The following MAN2C1 variants were observed in gnomAD, a reference collection of about 807,000 sequenced individuals.
MAN2C1 encodes the protein mannosidase alpha class 2C member 1, also known as alpha-mannosidase 2C1.
A neutral mutation model predicts 126.9 loss-of-function variants in MAN2C1; 111 were observed. The observed-to-expected ratio is 0.87, with a 90% CI of 0.75 to 1.02. The LOEUF (loss-of-function observed/expected upper bound fraction) is 1.02, where lower values mean the gene tolerates loss of function less well. MAN2C1 is among the 50% of genes least tolerant of loss of function. The pLI is 0.00. For synonymous variants in MAN2C1, 567 were observed against 561.5 expected (o/e 1.01, Z -0.14); for missense variants, 1,363 against 1,364.4 (o/e 1.00, Z 0.02).
In MAN2C1 at chr15:75,361,885, A is replaced by C. The variant is rs1330185755; in HGVS notation, c.1071T>G (p.Phe357Leu). ...AGCACATCTTCCCAAACTCCTGCAG[A>C]AAGAAGTTCTGGCCCTGCAAAAACT... ...VRQFLQGQNF[F>L]LQEFGKMCSE... The change falls in exon 9 of 26, where the codon TTT becomes TTG. Residue 357 changes from phenylalanine (F) to leucine (L), a missense_variant. Physicochemically the swap from Phe to Leu is conservative, Grantham distance 22. This residue lies in a region of MAN2C1 where 628 missense variants were observed against 609.8 expected (regional missense o/e 1.03). Coordinates refer to ENST00000267978, the MANE Select transcript of MAN2C1 (RefSeq NM_006715.4). The surrounding 1 kb of genome is among the most constrained non-coding windows in gnomAD (Gnocchi z 5.0). 2.5e-6 allele frequency: 4 copies of C among 1,613,980 alleles called. No individual in the cohort carries two copies. Among genetic ancestry groups the C allele is most frequent in the Non-Finnish European group, 3.4e-6 (4 of 1,180,036 alleles).
intron 4 of MAN2C1, chr15:75,365,607 T>A (rs2072558394): frequency 5.2e-6 from 1 of 190,584 alleles, no homozygotes; most frequent in Non-Finnish European, 1.1e-5. Context: ...GCACCTGTAA[T>A]CTCAGCTAGT....
In MAN2C1 at chr15:75,359,613, C is replaced by G; in HGVS notation, c.1948+7G>C. The stretch of plus-strand genomic sequence containing the variant: ...CTGCAGTAGCAACCCTTCCCCTCAG[C>G]TCGTACCTAGGCTGTGGGCCCCGCC... On this transcript the variant is annotated splice_region_variant and intron_variant, in intron 16 of 25. Coordinates refer to ENST00000267978, the MANE Select transcript of MAN2C1 (RefSeq NM_006715.4). The G allele has an allele frequency of 6.2e-7, 1 of 1,613,470 alleles. No individual in the cohort carries two copies. Among genetic ancestry groups the G allele is most frequent in the East Asian group, 2.2e-5 (1 of 44,890 alleles).
Position 75,368,117 on chromosome 15 carries a change from C to G in MAN2C1, c.183G>C (p.Gln61His), listed in dbSNP as rs758363056. 3.1e-6 allele frequency: 5 copies of G among 1,607,112 alleles called. No homozygotes were observed. In the East Asian group the frequency reaches 1.1e-4, roughly 36 times the overall value. The change falls in exon 2 of 26, where the codon CAG becomes CAC. Residue 61 changes from glutamine to histidine, a missense_variant. Physicochemically the swap from Gln to His is conservative, Grantham distance 24 (BLOSUM62 0). Transcript: ENST00000267978. ...PERLPYQEAV[Q>H]RDFRPAQVGD... ...CGACCTGCGCGGGGCGGAAGTCCCG[C>G]TGGACTGCCTCCTGGTAGGGAAGTC...
Position 75,364,608 on chromosome 15 carries a change from G to T in MAN2C1, c.480C>A (p.Ser160Arg), listed in dbSNP as rs773984309. The T allele has an allele frequency of 3.1e-6, 5 of 1,613,682 alleles. No individual in the cohort carries two copies. The highest frequency in any genetic ancestry group is 2.5e-6 in the Non-Finnish European group (3 of 1,179,838). Residue 160 changes from serine (S) to arginine (R), a missense_variant, in exon 5 of 26, where the codon AGC (serine) becomes AGA (arginine). Transcript: ENST00000267978. ...TCTCAGGGTCAGGGGCTGCAATCAT[G>T]CTTCCCTTCCCGGCCCCCAGGAGCC... ...CNGLLGAGKG[S>R]MIAAPDPEKM...
chr15:75,367,672 G>A (rs957678041), intron 2 of MAN2C1, 38 bp from the exon 3 acceptor site: 1 of 1,610,948 alleles, frequency 6.2e-7, no homozygotes, highest in African/African-American at 1.3e-5. Context: ...AGAGGTAGAA[G>A]TCCTATCCTG....
At chr15:75,360,923 C>T (rs2072454010) in intron 12 of MAN2C1, 123 bp downstream of exon 12, 8 of 1,329,510 alleles carry the variant, frequency 6.0e-6, no homozygotes, top group South Asian at 4.5e-5. Context: ...TGGAGGAACC[C>T]GTGGTCTAGG....
chr15:75,365,394 T>C (rs569849253), intron 4 of MAN2C1, among the ~76,000 whole-genome samples: 1 of 152,130 alleles, frequency 6.6e-6, no homozygotes, highest in Admixed American at 6.5e-5. Flanking sequence ...TAACATGGAA[T>C]GTAAGAAGTC....
intron 21 of MAN2C1, 81 bp downstream of exon 21, chr15:75,358,120 T>G (rs2072374826): frequency 6.5e-7 from 1 of 1,540,064 alleles, no homozygotes; most frequent in African/African-American, 1.4e-5. Flanking sequence ...GATTATCCTC[T>G]TCCTCCCCAG....
Position 75,359,918 on chromosome 15 carries a change from T to C in MAN2C1, c.1777A>G (p.Met593Val). 1.2e-6 allele frequency: 2 copies of C among 1,612,816 alleles called. No homozygotes were observed. The highest frequency in any genetic ancestry group is 1.1e-5 in the South Asian group (1 of 90,894). The part of the protein sequence containing the change: ...SCIQMVAEEA[M>V]CHYEDIRSHG... ...TGAGCCTAACCTTCATAATGGCACA[T>C]GGCTTCCTCTGCCACCATCTGGATG... Residue 593 changes from methionine to valine, a missense_variant, in exon 15 of 26, where the codon ATG becomes GTG. Met to Val is a conservative substitution (Grantham distance 21). Coordinates refer to ENST00000267978, the MANE Select transcript of MAN2C1 (RefSeq NM_006715.4).
At position 75,363,042 on chromosome 15, in the gene MAN2C1, C is replaced by G. The variant is rs1398859700; in HGVS notation, c.791-294G>C. 95 of 421,668 alleles carry G rather than the reference C, an allele frequency of 2.3e-4. 2 individuals are homozygous for G. The highest frequency in any genetic ancestry group is 1.8e-3 in the South Asian group (90 of 49,666). The allele number at this position is 421,668 out of a possible 1,614,324, so 26.1% of individuals were successfully genotyped here. On this transcript the variant is annotated intron_variant, in intron 6 of 25. Transcript: ENST00000267978. The stretch of plus-strand genomic sequence containing the variant: ...ATTAGACATCCCCTAGAGGATCCTA[C>G]GAGAAGTAGCAGGGACTACCCTGCC...
In MAN2C1 at chr15:75,356,234, G is replaced by A. The variant is rs375630686; in HGVS notation, c.2887-15C>T. 3.3e-5 allele frequency: 54 copies of A among 1,612,766 alleles called. No homozygotes were observed. Among genetic ancestry groups the A allele is most frequent in the Non-Finnish European group, 4.2e-5 (50 of 1,179,710 alleles). On this transcript the variant is annotated splice_polypyrimidine_tract_variant and intron_variant, in intron 24 of 25. Coordinates refer to ENST00000267978, the MANE Select transcript of MAN2C1 (RefSeq NM_006715.4). This position sits in a 1 kb window ranked among gnomAD's most constrained non-coding sequence, Gnocchi z 5.8. The stretch of plus-strand genomic sequence containing the variant: ...CTGCTCTCCGCCTGCAGAGGAACAC[G>A]TCTGGTGGGAGGGGCCGAGGGCAGG...
In MAN2C1 at chr15:75,363,988, T is replaced by G; in HGVS notation, c.790+11A>C. The G allele has an allele frequency of 6.2e-7, 1 of 1,612,880 alleles. No individual in the cohort carries two copies. ...TGCTTCCCCAGCCAGCCCAACCAGC[T>G]GCTGTCCTACCTGTATCAATGTGGC... On this transcript the variant is annotated intron_variant, in intron 6 of 25. Coordinates refer to ENST00000267978, the MANE Select transcript of MAN2C1 (RefSeq NM_006715.4).
chr15:75,359,267 C>T (rs891688509), intron 17 of MAN2C1, 61 bp downstream of exon 17: 10 of 1,584,406 alleles, frequency 6.3e-6, no homozygotes, highest in Admixed American at 5.2e-5. Flanking sequence ...GAGCTCAGGA[C>T]CCTCAGTTGT....
chr15:75,368,119 G>A lies in MAN2C1; in HGVS notation c.181C>T (p.Gln61Ter), dbSNP rs751369587. 1 of 1,607,168 alleles carries A rather than the reference G, an allele frequency of 6.2e-7. No individual in the cohort carries two copies. The highest frequency in any genetic ancestry group is 1.3e-5 in the African/African-American group (1 of 74,982). The change falls in exon 2 of 26, where the codon CAG becomes TAG. Residue 61 changes from glutamine to a stop codon, truncating the protein, a stop_gained. Transcript: ENST00000267978. LOFTEE classifies it high-confidence loss of function. ...PERLPYQEAVQRDFRPAQVGD... is the reference protein window; with the variant it reads ...PERLPYQEAV ...ACCTGCGCGGGGCGGAAGTCCCGCTGGACTGCCTCCTGGTAGGGAAGTCTC... is the reference window on the plus strand; with the variant it reads ...ACCTGCGCGGGGCGGAAGTCCCGCTAGACTGCCTCCTGGTAGGGAAGTCTC...
At position 75,368,541 on chromosome 15, in the gene MAN2C1, C is replaced by A; in HGVS notation, c.43G>T (p.Glu15Ter). 1 of 1,554,274 alleles carries A rather than the reference C, an allele frequency of 6.4e-7. No individual in the cohort carries two copies. Among genetic ancestry groups the A allele is most frequent in the Non-Finnish European group, 8.7e-7 (1 of 1,149,942 alleles). Residue 15 changes from glutamate (E) to a stop codon, truncating the protein, a stop_gained, in exon 1 of 26, where the codon GAG becomes TAG. Coordinates refer to ENST00000267978, the MANE Select transcript of MAN2C1 (RefSeq NM_006715.4). LOFTEE classifies it high-confidence loss of function. ...GGCGACACGAACTTCTCCACCCGCTCCAGCGTGGTGCGCCAGTGCTTCAAG... is the reference window on the plus strand; with the variant it reads ...GGCGACACGAACTTCTCCACCCGCTACAGCGTGGTGCGCCAGTGCTTCAAG... Reference protein sequence around the residue: ...PALKHWRTTLERVEKFVSPLY... With the variant: ...PALKHWRTTL
At chr15:75,364,932 A>G (rs1196429430) in intron 4 of MAN2C1, among the ~76,000 whole-genome samples, 3 of 152,246 alleles carry the variant, frequency 2.0e-5, no homozygotes, top group South Asian at 2.1e-4. Flanking sequence ...TTATATTTCC[A>G]AAGTTGTCTT....
In MAN2C1 at chr15:75,359,116, C is replaced by T. The variant is rs754488618; in HGVS notation, c.2084G>A (p.Arg695Gln). Residue 695 changes from arginine (R) to glutamine (Q), a missense_variant, in exon 18 of 26, where the codon CGA (arginine) becomes CAA (glutamine). This residue lies in a region of MAN2C1 where 668 missense variants were observed against 650.1 expected (regional missense o/e 1.03). Transcript: ENST00000267978. ...GSVTLDNGII[R>Q]VKLDPTGRLT... ...GCGACCAGTTGGGTCCAGCTTCACT[C>T]GGATGATGCCATTGTCCAGAGTCAC... is the stretch of plus-strand genomic sequence containing the variant. The T allele has an allele frequency of 8.7e-6, 14 of 1,614,026 alleles. No individual in the cohort carries two copies. The highest frequency in any genetic ancestry group is 1.7e-5 in the Admixed American group (1 of 60,024).
intron 2 of MAN2C1, 142 bp downstream of exon 2, chr15:75,367,931 A>G: frequency 8.7e-7 from 1 of 1,144,210 alleles, no homozygotes; most frequent in East Asian, 2.6e-5. Flanking sequence ...TTCCCAGCAG[A>G]GGGTGCTGCT....
chr15:75,362,989 C>T lies in MAN2C1; in HGVS notation c.791-241G>A. On this transcript the variant is annotated intron_variant, in intron 6 of 25. Transcript: ENST00000267978. The surrounding 1 kb of genome is among the most constrained non-coding windows in gnomAD (Gnocchi z 4.5). ...AGGTCAGGAAATGGAGGCTCCAGGCCCCAGAATAGCCTCAGTCCTCTTGGG... is the reference window on the plus strand; with the variant it reads ...AGGTCAGGAAATGGAGGCTCCAGGCTCCAGAATAGCCTCAGTCCTCTTGGG... 1 of 513,844 alleles carries T rather than the reference C, an allele frequency of 1.9e-6. No homozygotes were observed. Among genetic ancestry groups the T allele is most frequent in the South Asian group, 2.0e-5 (1 of 49,824 alleles). The allele number at this position is 513,844 out of a possible 1,614,324, so 31.8% of individuals were successfully genotyped here. A position where few individuals can be genotyped will look rare whatever the true frequency, so the allele number is the denominator to read the frequency against.
Sources: allele counts gnomAD v4.1 joint callset (sites outside exome capture counted in the v4.1 genomes callset), GRCh38; gene constraint gnomAD v4.1.1; regional missense constraint gnomAD v4.1.1; non-coding constraint Gnocchi (gnomAD v3.1); transcripts MANE v1.5; gene names NCBI Gene and HGNC (gene_info 2026-07-23, HGNC 2026-07-21).